Variants in SHANK2 observed in about 807,000 individuals in gnomAD.
SHANK2 encodes the protein SH3 and multiple ankyrin repeat domains protein 2.
Under a neutral mutation model 133.7 loss-of-function variants are expected in SHANK2, and 43 were observed. That is an observed-to-expected ratio of 0.32 (90% CI 0.25 to 0.41). The LOEUF (loss-of-function observed/expected upper bound fraction) is 0.41. Among genes scored for constraint, SHANK2 ranks in the 10% least tolerant of loss-of-function variants. The pLI is 1.00. For missense variants in SHANK2, 1,994 were observed against 2,235.8 expected (o/e 0.89, Z 2.18); for synonymous variants, 1,017 against 952.8 (o/e 1.07, Z -1.24).
chr11:71,098,213 G>GCATGCCTGTGTGTCTA (rs1414830467), intron 6 of SHANK2, among the ~76,000 whole-genome samples: 1 of 151,362 alleles, frequency 6.6e-6, no homozygotes, highest in Non-Finnish European at 1.5e-5. Flanking sequence ...CTGTGCGTGT[G>GCATGCCTGTGTGTCTA]CATGCCTGTG....
At chr11:71,072,548 G>A (rs1309606819) in intron 9 of SHANK2, among the ~76,000 whole-genome samples, 5 of 152,230 alleles carry the variant, frequency 3.3e-5, no homozygotes, top group South Asian at 2.1e-4. Flanking sequence ...ATTTTTCCCC[G>A]AAAGAAATGA....
rs78858561 is a variant in SHANK2, at chr11:70,902,955, C to T, written c.1108-6388G>A. ...TCACTCTGCAAGGCAGTGCATCTCTCCAGGAGACAGCACGGCCCCCCTCCA... is the reference window on the plus strand; with the variant it reads ...TCACTCTGCAAGGCAGTGCATCTCTTCAGGAGACAGCACGGCCCCCCTCCA... On this transcript the variant is annotated intron_variant, in intron 10 of 25. Transcript: ENST00000601538. Among the ~76,000 whole-genome samples the T allele has an allele frequency of 2.7e-3, 411 of 152,262 alleles. 6 individuals carry two copies. In the East Asian group the frequency reaches 0.067, roughly 25 times the overall value.
chr11:70,805,159 T>A lies in SHANK2; in HGVS notation c.1663+1843A>T, dbSNP rs115715995. Among the ~76,000 whole-genome samples the A allele has an allele frequency of 1.3e-3, 194 of 152,238 alleles. 1 individual carries two copies. Among genetic ancestry groups the A allele is most frequent in the African/African-American group, 4.6e-3 (190 of 41,554 alleles). ...ACTAACCTGGCTGCCCTACAGGAAC[T>A]GCCAGCCGCACCCCAGCCTTCTCCT... On this transcript the variant is annotated intron_variant, in intron 13 of 25. Coordinates refer to ENST00000601538, the MANE Select transcript of SHANK2 (RefSeq NM_012309.5).
intron 14 of SHANK2, among the ~76,000 whole-genome samples, chr11:70,790,948 C>G (rs895344175): frequency 1.3e-5 from 2 of 152,190 alleles, no homozygotes; most frequent in East Asian, 3.9e-4. Flanking sequence ...CTAAGGTCCT[C>G]GAGGATGACC....
In SHANK2 at chr11:70,859,327, T is replaced by A. The variant is rs193076985; in HGVS notation, c.1174+37174A>T. ...GTAGGTGAGTGGAGGGATAGATGAA[T>A]GGACTGATGAATGGATGGATGAATG... On this transcript the variant is annotated intron_variant, in intron 11 of 25. Transcript: ENST00000601538. 4.3e-4 allele frequency among the ~76,000 whole-genome samples: 65 copies of A among 152,048 alleles called. 1 individual carries two copies. In the East Asian group the frequency reaches 6.0e-3, roughly 14 times the overall value.
chr11:70,508,396 C>A (rs528745513), intron 17 of SHANK2, among the ~76,000 whole-genome samples: 16 of 152,372 alleles, frequency 1.1e-4, no homozygotes, highest in African/African-American at 3.4e-4. Context: ...GCAGAGTCTG[C>A]CCCCTGCCCT....
intron 2 of SHANK2, among the ~76,000 whole-genome samples, chr11:71,165,097 G>A (rs868909004): frequency 3.3e-5 from 5 of 150,412 alleles, no homozygotes; most frequent in Admixed American, 6.6e-5. Context: ...GCAGTGGCAC[G>A]ATCTCGGTTC....
At chr11:70,621,890 C>A (rs1243986146) in intron 17 of SHANK2, among the ~76,000 whole-genome samples, 1 of 152,136 alleles carries the variant, frequency 6.6e-6, no homozygotes, top group Non-Finnish European at 1.5e-5. Context: ...CGACAGACAT[C>A]CCAGCCTGCA....
rs2058593041 is a variant in SHANK2 at position 70,471,120 on chromosome 11, T to C, written c.*1749A>G. 7.6e-6 allele frequency: 3 copies of C among 397,290 alleles called. No homozygotes were observed. Among genetic ancestry groups the C allele is most frequent in the Non-Finnish European group, 1.3e-5 (3 of 225,486 alleles). The allele number at this position is 397,290 out of a possible 1,614,324, so 24.6% of individuals were successfully genotyped here. On this transcript the variant is annotated 3_prime_UTR_variant, in exon 26 of 26. Coordinates refer to ENST00000601538, the MANE Select transcript of SHANK2 (RefSeq NM_012309.5). The surrounding 1 kb of genome is among the most constrained non-coding windows in gnomAD (Gnocchi z 4.1). Reference sequence around the variant, plus strand: ...CTGAAGTGGCACAAAGGCTGCCTAGTAGACCAGCCACTTTTTTTTCTTAAA... The same window carrying C: ...CTGAAGTGGCACAAAGGCTGCCTAGCAGACCAGCCACTTTTTTTTCTTAAA...
chr11:71,186,330 T>C (rs1334785767), intron 2 of SHANK2, among the ~76,000 whole-genome samples: 2 of 152,222 alleles, frequency 1.3e-5, no homozygotes, highest in Non-Finnish European at 2.9e-5. Context: ...AAATGCCGTC[T>C]GGCATGGACA....
intron 5 of SHANK2, 42 bp from the exon 6 acceptor site, chr11:71,110,091 A>G (rs1951870052): frequency 7.1e-7 from 1 of 1,416,352 alleles, no homozygotes; most frequent in Non-Finnish European, 9.8e-7. Context: ...TTTATAAGAA[A>G]TGTCCCAACC....
At chr11:71,069,430 TCAC>T (rs1185443144) in intron 9 of SHANK2, among the ~76,000 whole-genome samples, 2 of 151,512 alleles carry the variant, frequency 1.3e-5, no homozygotes, top group Non-Finnish European at 2.9e-5. Flanking sequence ...ACCTTCATCA[TCAC>T]CACCATCATC....
intron 17 of SHANK2, among the ~76,000 whole-genome samples, chr11:70,637,233 C>A (rs2061114921): frequency 6.6e-6 from 1 of 152,178 alleles, no homozygotes; most frequent in African/African-American, 2.4e-5. Flanking sequence ...GCCTGTCAAT[C>A]TGTGCAGTGC....
At chr11:70,782,006 G>A (rs950795060) in intron 14 of SHANK2, among the ~76,000 whole-genome samples, 5 of 151,982 alleles carry the variant, frequency 3.3e-5, no homozygotes, top group South Asian at 2.1e-4. Context: ...GCAAACTATC[G>A]CAAGGACAAA....
chr11:71,214,543 T>A lies in SHANK2; in HGVS notation c.-13+10154A>T, dbSNP rs114231498. Among the ~76,000 whole-genome samples, 278 of 152,338 alleles carry A rather than the reference T, an allele frequency of 1.8e-3. 1 individual carries two copies. The highest frequency in any genetic ancestry group is 6.1e-3 in the African/African-American group (254 of 41,578). ...CCCTAACCACACGTTTCCGAAGAAG[T>A]GTCATCTCTGCTCAGCCTGCTAGGT... On this transcript the variant is annotated intron_variant, in intron 2 of 25. Transcript: ENST00000601538.
At position 70,500,560 on chromosome 11, in the gene SHANK2, C is replaced by T. The variant is rs187023835; in HGVS notation, c.2308+10G>A. On this transcript the variant is annotated intron_variant, in intron 21 of 25. Transcript: ENST00000601538. This position sits in a 1 kb window ranked among gnomAD's most constrained non-coding sequence, Gnocchi z 4.5. ...GCAGGGGGCTGAGACAGACACTGGGCCTCCCTTACCCTTCTTCTTCCGGAC... is the reference window on the plus strand; with the variant it reads ...GCAGGGGGCTGAGACAGACACTGGGTCTCCCTTACCCTTCTTCTTCCGGAC... The T allele has an allele frequency of 9.2e-4, 1,477 of 1,601,854 alleles. 1 individual carries two copies. The highest frequency in any genetic ancestry group is 7.8e-4 in the Non-Finnish European group (914 of 1,174,448).
At position 70,470,110 on chromosome 11, in the gene SHANK2, G is replaced by A. The variant is rs2058579694; in HGVS notation, c.*2759C>T. The A allele has an allele frequency of 6.6e-6, 1 of 152,610 alleles. No homozygotes were observed. Among genetic ancestry groups the A allele is most frequent in the African/African-American group, 2.4e-5 (1 of 41,444 alleles). The allele number at this position is 152,610 out of a possible 1,614,324, so 9.5% of individuals were successfully genotyped here. A position where few individuals can be genotyped will look rare whatever the true frequency, so the allele number is the denominator to read the frequency against. On this transcript the variant is annotated 3_prime_UTR_variant, in exon 26 of 26. Coordinates refer to ENST00000601538, the MANE Select transcript of SHANK2 (RefSeq NM_012309.5). ...GGGCCTCGTCCTAACATGTCCCAAA[G>A]GGGGAGAACAGTGGGTGGTGATTTG...
At chr11:71,158,572 C>T (rs1206336708) in intron 2 of SHANK2, among the ~76,000 whole-genome samples, 1 of 152,184 alleles carries the variant, frequency 6.6e-6, no homozygotes, top group Non-Finnish European at 1.5e-5. Context: ...CTTGATGTAA[C>T]TTCTAATAAA....
At chr11:70,942,869 C>T (rs1950667002) in intron 10 of SHANK2, 1 of 456,590 alleles carries the variant, frequency 2.2e-6, no homozygotes, top group Non-Finnish European at 4.4e-6. Context: ...GGCCCTTTGC[C>T]TGTTCACTTA....
Sources: gnomAD v4.1 joint callset for allele counts (sites outside exome capture counted in the v4.1 genomes callset) on GRCh38, gnomAD v4.1.1 for gene constraint, Gnocchi (gnomAD v3.1) non-coding constraint, MANE v1.5 for transcripts, NCBI Gene and HGNC (gene_info 2026-07-23, HGNC 2026-07-21) for gene names.